RBFOX1: variants seen among roughly 807,000 people sequenced by gnomAD.
The protein encoded by RBFOX1 is RNA binding fox-1 homolog 1, also known as RNA binding protein fox-1 homolog 1.
Under a neutral mutation model 57.7 loss-of-function variants are expected in RBFOX1, and 8 were observed. The observed-to-expected ratio is 0.14, with a 90% confidence interval of 0.08 to 0.25. RBFOX1 has a LOEUF of 0.25. RBFOX1 is among the 10% of genes least tolerant of loss of function. The pLI is 1.00. For synonymous variants in RBFOX1, 326 were observed against 222.4 expected (o/e 1.47, Z -4.15); for missense variants, 611 against 548.5 (o/e 1.11, Z -1.14).
At chr16:6,279,955 A>G (rs1263967374) in intron 1 of RBFOX1, among the ~76,000 whole-genome samples, 1 of 152,090 alleles carries the variant, frequency 6.6e-6, no homozygotes, top group Non-Finnish European at 1.5e-5. Context: ...TGCAGACGAT[A>G]TTAAATTGGA....
At chr16:7,607,430 A>G (rs4616299) in intron 10 of RBFOX1, 92 bp downstream of exon 10, 470,318 of 1,190,022 alleles carry the variant, frequency 0.4, 96,250 homozygotes, top group African/African-American at 0.56. Context: ...AATAACCTGA[A>G]GCAAGTGAAT....
chr16:6,302,699 A>G (rs1282481306), intron 1 of RBFOX1, among the ~76,000 whole-genome samples: 2 of 152,204 alleles, frequency 1.3e-5, no homozygotes, highest in Non-Finnish European at 2.9e-5. Flanking sequence ...TTTTAAAACA[A>G]GAAGGTCTAA....
chr16:7,649,178 C>A (rs1471057538), intron 11 of RBFOX1, among the ~76,000 whole-genome samples: 1 of 151,986 alleles, frequency 6.6e-6, no homozygotes, highest in Admixed American at 6.6e-5. Context: ...AGAGGAGGAG[C>A]ATGTCCACCC....
At chr16:7,499,347 A>G (rs772196874) in intron 4 of RBFOX1, among the ~76,000 whole-genome samples, 9 of 152,310 alleles carry the variant, frequency 5.9e-5, no homozygotes, top group Non-Finnish European at 1.3e-4. Context: ...ATATGGATTC[A>G]GAAGCCCACC....
intron 3 of RBFOX1, among the ~76,000 whole-genome samples, chr16:5,704,411 G>A (rs1293371687): frequency 1.3e-5 from 2 of 152,110 alleles, no homozygotes; most frequent in Non-Finnish European, 2.9e-5. Context: ...AACTCACAGG[G>A]AGTGGTGGGG....
intron 1 of RBFOX1, among the ~76,000 whole-genome samples, chr16:5,283,305 C>A (rs1596386375): frequency 6.6e-6 from 1 of 152,266 alleles, no homozygotes; most frequent in South Asian, 2.1e-4. Flanking sequence ...GGGGTCGGAG[C>A]CCCCACATAG....
chr16:7,569,537 T>A (rs2092550531), intron 5 of RBFOX1, among the ~76,000 whole-genome samples: 1 of 152,190 alleles, frequency 6.6e-6, no homozygotes, highest in Admixed American at 6.6e-5. Flanking sequence ...CCCACACAGG[T>A]AATCCAGGAT....
chr16:7,673,392 A>G (rs898860123), intron 13 of RBFOX1, among the ~76,000 whole-genome samples: 6 of 152,028 alleles, frequency 3.9e-5, no homozygotes, highest in African/African-American at 1.2e-4. Context: ...CACCATTAAT[A>G]CCCCACAAGC....
intron 3 of RBFOX1, among the ~76,000 whole-genome samples, chr16:6,987,386 T>G (rs12149452): frequency 0.55 from 82,237 of 150,744 alleles, 23,717 homozygotes; most frequent in East Asian, 0.64. Flanking sequence ...TACCATGGTT[T>G]CTGATTCCAG....
intron 2 of RBFOX1, among the ~76,000 whole-genome samples, chr16:6,400,048 T>G (rs1183358081): frequency 1.3e-5 from 2 of 152,120 alleles, no homozygotes; most frequent in African/African-American, 4.8e-5. Context: ...AAGATGAAAT[T>G]TGGGTGGGGA....
chr16:6,251,015 A>G (rs2097606284), intron 1 of RBFOX1, among the ~76,000 whole-genome samples: 1 of 152,078 alleles, frequency 6.6e-6, no homozygotes, highest in Non-Finnish European at 1.5e-5. Context: ...AGATGGTCAG[A>G]ATCAGCTTGC....
At chr16:6,399,782 G>C (rs561602693) in intron 2 of RBFOX1, among the ~76,000 whole-genome samples, 1 of 152,184 alleles carries the variant, frequency 6.6e-6, no homozygotes, top group Non-Finnish European at 1.5e-5. Context: ...AAGAAAAGAG[G>C]TTTAATTGAA....
intron 2 of RBFOX1, among the ~76,000 whole-genome samples, chr16:6,331,969 C>G (rs1046478769): frequency 1.3e-5 from 2 of 152,132 alleles, no homozygotes; most frequent in African/African-American, 4.8e-5. Context: ...CTTAATAGTT[C>G]TGTCACTCCT....
intron 11 of RBFOX1, among the ~76,000 whole-genome samples, chr16:7,650,873 AGTCCTGAAGCAAGC>A (rs2064901067): frequency 6.6e-6 from 1 of 152,136 alleles, no homozygotes; most frequent in Non-Finnish European, 1.5e-5. Flanking sequence ...TTTTCTCCCC[AGTCCTGAAGCAAGC>A]GTCTCATCTC....
intron 3 of RBFOX1, among the ~76,000 whole-genome samples, chr16:5,649,653 C>A (rs1473438237): frequency 1.3e-5 from 2 of 152,178 alleles, no homozygotes; most frequent in Non-Finnish European, 2.9e-5. Flanking sequence ...TTTTTATCTT[C>A]TTTGTCTGTT....
chr16:7,355,873 C>G (rs553946304), intron 4 of RBFOX1, among the ~76,000 whole-genome samples: 1 of 152,238 alleles, frequency 6.6e-6, no homozygotes, highest in Non-Finnish European at 1.5e-5. Context: ...CCTCCACCTG[C>G]TCTGCCCAGG....
chr16:5,389,836 T>A (rs1179999643), intron 1 of RBFOX1, among the ~76,000 whole-genome samples: 3 of 152,004 alleles, frequency 2.0e-5, no homozygotes, highest in Admixed American at 6.6e-5. Context: ...TAGCTGGGAT[T>A]ACAGGTGCCT....
At chr16:6,859,120 TATATATATAC>T (rs1187110314) in intron 3 of RBFOX1, among the ~76,000 whole-genome samples, 2 of 86,438 alleles carry the variant, frequency 2.3e-5, no homozygotes, top group African/African-American at 1.6e-4. Flanking sequence ...TGTATATATA[TATATATATAC>T]ATATATATAC....
intron 4 of RBFOX1, among the ~76,000 whole-genome samples, chr16:7,311,761 T>G (rs2096314636): frequency 6.6e-6 from 1 of 152,176 alleles, no homozygotes; most frequent in African/African-American, 2.4e-5. Flanking sequence ...AACCCAGATC[T>G]ATTTAGAGCC....
Sources: allele counts gnomAD v4.1 joint callset (sites outside exome capture counted in the v4.1 genomes callset), GRCh38; gene constraint gnomAD v4.1.1; transcripts MANE v1.5; gene names NCBI Gene and HGNC (gene_info 2026-07-23, HGNC 2026-07-21).